The following HHLA2 variants were observed in gnomAD, a reference collection of about 807,000 sequenced individuals.
HHLA2 encodes HERV-H LTR-associating protein 2.
Under a neutral mutation model 45.9 loss-of-function variants are expected in HHLA2, and 48 were observed. The observed-to-expected ratio is 1.05, with a 90% CI of 0.83 to 1.33. The LOEUF is 1.33. Among genes scored for constraint, HHLA2 ranks in the 40% most tolerant of loss-of-function variants. The pLI, the probability that HHLA2 is intolerant of heterozygous loss-of-function variation, is 0.00. For synonymous variants in HHLA2, 161 were observed against 173.9 expected (o/e 0.93, Z 0.59); for missense variants, 462 against 494.3 (o/e 0.93, Z 0.62).
At chr3:108,355,063 T>C (rs935604928) in intron 5 of HHLA2, 52 bp from the exon 5 acceptor site, 84 of 1,554,008 alleles carry the variant, frequency 5.4e-5, no homozygotes, top group Non-Finnish European at 6.9e-5. Flanking sequence ...AGACGGCCTA[T>C]AAAGAAGCTA....
chr3:108,348,183 C>T (rs556736717), intron 3 of HHLA2, among the ~76,000 whole-genome samples: 295 of 151,574 alleles, frequency 1.9e-3, no homozygotes, highest in Non-Finnish European at 2.9e-3. Flanking sequence ...ATAGGGCAAG[C>T]AGAAGAGAAC....
chr3:108,369,660 A>T (rs1177525596), intron 8 of HHLA2, among the ~76,000 whole-genome samples: 2 of 152,150 alleles, frequency 1.3e-5, no homozygotes, highest in Admixed American at 1.3e-4. Flanking sequence ...ACACCAGGAG[A>T]TTATATCCTG....
At chr3:108,328,417 G>A (rs920252888) in intron 3 of HHLA2, 31 of 981,558 alleles carry the variant, frequency 3.2e-5, no homozygotes, top group Non-Finnish European at 4.6e-5. Context: ...ATTACTGCAT[G>A]ACCAGGAAAC....
intron 3 of HHLA2, among the ~76,000 whole-genome samples, chr3:108,331,371 C>T (rs1191763369): frequency 6.6e-6 from 1 of 152,026 alleles, no homozygotes; most frequent in African/African-American, 2.4e-5. Flanking sequence ...TGAGGTTCAT[C>T]CATTGTTAAT....
intron 8 of HHLA2, among the ~76,000 whole-genome samples, chr3:108,364,318 T>C (rs2082028033): frequency 6.6e-6 from 1 of 152,236 alleles, no homozygotes; most frequent in Non-Finnish European, 1.5e-5. Flanking sequence ...GCAAAGCACA[T>C]GAACTCATTC....
intron 7 of HHLA2, among the ~76,000 whole-genome samples, chr3:108,358,460 C>T (rs2081935680): frequency 6.6e-6 from 1 of 152,158 alleles, no homozygotes; most frequent in Non-Finnish European, 1.5e-5. Flanking sequence ...TTTCTGCTCA[C>T]TGCTGTGCCT....
chr3:108,348,742 G>A (rs1370107644), intron 3 of HHLA2, among the ~76,000 whole-genome samples: 2 of 151,872 alleles, frequency 1.3e-5, no homozygotes, highest in Non-Finnish European at 2.9e-5. Context: ...GTGGTTTGCT[G>A]CACCCATCAA....
At chr3:108,299,643 T>A (rs2080819072) in intron 1 of HHLA2, among the ~76,000 whole-genome samples, 1 of 152,134 alleles carries the variant, frequency 6.6e-6, no homozygotes. Flanking sequence ...GACTTTTTCT[T>A]CCTAGAGTTT....
intron 8 of HHLA2, among the ~76,000 whole-genome samples, chr3:108,369,193 G>A (rs888918787): frequency 5.3e-5 from 8 of 152,120 alleles, no homozygotes; most frequent in East Asian, 1.9e-4. Context: ...AAGACACAAC[G>A]TACCAGAATC....
exon 6 of HHLA2, chr3:108,355,291 C>T: frequency 6.2e-7 from 1 of 1,613,842 alleles, no homozygotes; most frequent in Non-Finnish European, 8.5e-7. Flanking sequence ...TAACAGCCCA[C>T]TGAATATTAC....
intron 3 of HHLA2, among the ~76,000 whole-genome samples, chr3:108,331,465 T>C (rs1295536324): frequency 2.0e-5 from 3 of 152,162 alleles, no homozygotes; most frequent in East Asian, 1.9e-4. Flanking sequence ...ACAGTAATCA[T>C]GACATTTCAC....
At chr3:108,308,396 C>A (rs2080965355) in intron 1 of HHLA2, among the ~76,000 whole-genome samples, 1 of 152,144 alleles carries the variant, frequency 6.6e-6, no homozygotes, top group Non-Finnish European at 1.5e-5. Context: ...ACCACATTTT[C>A]TTTTATCCAT....
intron 3 of HHLA2, among the ~76,000 whole-genome samples, chr3:108,336,418 C>A (rs1340642690): frequency 6.6e-6 from 1 of 152,094 alleles, no homozygotes; most frequent in African/African-American, 2.4e-5. Context: ...AACTAATTAA[C>A]CTATTCCCAA....
chr3:108,361,687 A>C (rs1341779633), intron 7 of HHLA2, among the ~76,000 whole-genome samples: 1 of 152,124 alleles, frequency 6.6e-6, no homozygotes, highest in Non-Finnish European at 1.5e-5. Context: ...GGTTTCAGGC[A>C]TCCACTTGGG....
At chr3:108,358,279 A>C in intron 7 of HHLA2, 118 bp downstream of exon 6, 2 of 659,936 alleles carry the variant, frequency 3.0e-6, no homozygotes, top group Non-Finnish European at 4.9e-6. Flanking sequence ...TCAAAATATA[A>C]TCCACAGGGA....
intron 8 of HHLA2, among the ~76,000 whole-genome samples, chr3:108,368,155 T>C (rs1194945942): frequency 6.6e-6 from 1 of 151,954 alleles, no homozygotes; most frequent in Non-Finnish European, 1.5e-5. Flanking sequence ...GACAAGCAAA[T>C]GCTGAGGGAT....
intron 5 of HHLA2, among the ~76,000 whole-genome samples, chr3:108,354,824 T>C (rs574613314): frequency 6.6e-6 from 1 of 152,298 alleles, no homozygotes; most frequent in South Asian, 2.1e-4. Flanking sequence ...TTTTGGTTTT[T>C]CAATGAGGCC....
chr3:108,330,256 C>G, intron 3 of HHLA2, among the ~76,000 whole-genome samples: 1 of 152,268 alleles, frequency 6.6e-6, no homozygotes, highest in Non-Finnish European at 1.5e-5. Context: ...TGGGAAAGGA[C>G]TATACAAGAG....
chr3:108,335,746 C>T (rs2012256), intron 3 of HHLA2, among the ~76,000 whole-genome samples: 84,906 of 151,894 alleles, frequency 0.56, 24,361 homozygotes, highest in Middle Eastern at 0.63. Flanking sequence ...TGATTGACAG[C>T]TGCTGCTTCG....
Sources: allele counts gnomAD v4.1 joint callset (sites outside exome capture counted in the v4.1 genomes callset), GRCh38; gene constraint gnomAD v4.1.1; transcripts MANE v1.5; gene names NCBI Gene and HGNC (gene_info 2026-07-23, HGNC 2026-07-21).